Variants in ANKRD50 observed in about 807,000 individuals in gnomAD.
The protein encoded by ANKRD50 is ankyrin repeat domain 50, also known as ankyrin repeat domain-containing protein 50.
In ANKRD50, 40 loss-of-function variants were observed where a neutral mutation model predicts 112.0. The ratio of observed to expected loss-of-function variants is 0.36; its 90% CI spans 0.28 to 0.46. ANKRD50 has a LOEUF of 0.46. Ranked by LOEUF, ANKRD50 falls within the 20% of genes least tolerant of loss-of-function variation. The pLI is 1.00. For synonymous variants in ANKRD50, 613 were observed against 619.1 expected, an observed-to-expected ratio of 0.99 and a Z score of 0.15; for missense variants, 1,487 against 1,701.7, an observed-to-expected ratio of 0.87 and a Z score of 2.22.
chr4:124,700,787 TC>T (rs767151063), intron 2 of ANKRD50, among the ~76,000 whole-genome samples: 18 of 152,174 alleles, frequency 1.2e-4, no homozygotes, highest in Non-Finnish European at 2.4e-4. Context: ...TCCCATCTGC[TC>T]CATAGCTCTC....
At chr4:124,672,569 T>A in intron 3 of ANKRD50, 35 bp from the exon 4 acceptor site, 1 of 1,436,656 alleles carries the variant, frequency 7.0e-7, no homozygotes. Context: ...TGTAATCAGT[T>A]GAAAAGGATT....
chr4:124,678,585 CACGCAG>C, intron 3 of ANKRD50, 85 bp downstream of exon 3: 6 of 1,122,932 alleles, frequency 5.3e-6, no homozygotes, highest in South Asian at 1.5e-5. Context: ...GCAAATGCAA[CACGCAG>C]ATGTTCAACT....
chr4:124,669,849 C>A lies in ANKRD50; in HGVS notation c.3428G>T (p.Gly1143Val). 1 of 1,612,888 alleles carries A rather than the reference C, an allele frequency of 6.2e-7. No homozygotes were observed. Among genetic ancestry groups the A allele is most frequent in the Non-Finnish European group, 8.5e-7 (1 of 1,179,668 alleles). The change falls in exon 4 of 5, where the codon GGA becomes GTA. Residue 1143 changes from glycine (G) to valine (V), a missense_variant. Coordinates refer to ENST00000504087, the MANE Select transcript of ANKRD50 (RefSeq NM_020337.3). ...IKSNSSGSTG[G>V]GDMQPSLRGL... ...ACGTAACGAAGGCTGCATATCCCCT[C>A]CACCAGTACTACCAGAGCTATTTGA...
chr4:124,699,189 G>A lies in ANKRD50; in HGVS notation c.512+10811C>T, dbSNP rs1725328460. On this transcript the variant is annotated intron_variant, in intron 2 of 4. Transcript: ENST00000504087. ...ATCTGAATTAGAAAGGATACCCAGG[G>A]ACTTTAAGTGTGGATTGTTTGTTCT... 1.3e-5 allele frequency among the ~76,000 whole-genome samples: 2 copies of A among 151,458 alleles called. 1 individual carries two copies. Among genetic ancestry groups the A allele is most frequent in the South Asian group, 4.2e-4 (2 of 4,800 alleles).
At position 124,710,560 on chromosome 4, in the gene ANKRD50, G is replaced by A. The variant is rs765632521; in HGVS notation, c.-49C>T. On this transcript the variant is annotated 5_prime_UTR_variant, in exon 2 of 5. Transcript: ENST00000504087. ...CTAGAGTCTGGATACATCAACACAG[G>A]TCTTTCCATCCATTATGACATAACT... is the stretch of plus-strand genomic sequence containing the variant. The A allele has an allele frequency of 6.5e-7, 1 of 1,538,174 alleles. No individual in the cohort carries two copies. Among genetic ancestry groups the A allele is most frequent in the African/African-American group, 1.4e-5 (1 of 72,984 alleles).
At position 124,669,249 on chromosome 4, in the gene ANKRD50, T is replaced by C; in HGVS notation, c.4028A>G (p.Gln1343Arg). The change falls in exon 4 of 5, where the codon CAA (glutamine) becomes CGA (arginine). Residue 1343 changes from glutamine to arginine, a missense_variant. Around this residue, in one of 2 missense-constraint regions of ANKRD50, gnomAD observed 441 missense variants for 432.2 expected, o/e 1.02. Transcript: ENST00000504087. Reference protein sequence around the residue: ...PSAQQEIGRSQQQFLIHQQSG... With the variant: ...PSAQQEIGRSRQQFLIHQQSG... ...TTGTTGGTGAATAAGAAACTGCTGT[T>C]GAGATCGACCAATTTCCTGCTGAGC... 6.2e-7 allele frequency: 1 copy of C among 1,613,746 alleles called. No individual in the cohort carries two copies. Among genetic ancestry groups the C allele is most frequent in the Non-Finnish European group, 8.5e-7 (1 of 1,179,788 alleles).
intron 2 of ANKRD50, among the ~76,000 whole-genome samples, chr4:124,708,135 C>T (rs1665054121): frequency 1.3e-5 from 2 of 152,150 alleles, no homozygotes; most frequent in South Asian, 2.1e-4. Context: ...GAAAATTCTG[C>T]TCTGCCACTA....
At chr4:124,686,262 C>T (rs945418422) in intron 2 of ANKRD50, among the ~76,000 whole-genome samples, 2 of 152,112 alleles carry the variant, frequency 1.3e-5, no homozygotes, top group African/African-American at 4.8e-5. Flanking sequence ...CACTTTCTTC[C>T]TCACTTGTTC....
intron 3 of ANKRD50, 130 bp downstream of exon 3, chr4:124,678,546 C>T (rs181420050): frequency 1.6e-4 from 123 of 756,522 alleles, no homozygotes; most frequent in South Asian, 4.7e-4. Context: ...AATTTCAAAA[C>T]GCACAATTGA....
chr4:124,687,469 AAG>A (rs1198035487), intron 2 of ANKRD50, among the ~76,000 whole-genome samples: 1 of 152,162 alleles, frequency 6.6e-6, no homozygotes, highest in Non-Finnish European at 1.5e-5. Context: ...GAGTTAGATA[AAG>A]AGTTTTTAGA....
rs368274261 is a variant in ANKRD50, at chr4:124,665,787, A to C, written c.*1731T>G. Reference sequence around the variant, plus strand: ...CTTATCAACTTATCTCGTAGTCCTCACTATGACTTATAGATGACAGACAAA... The same window carrying C: ...CTTATCAACTTATCTCGTAGTCCTCCCTATGACTTATAGATGACAGACAAA... On this transcript the variant is annotated 3_prime_UTR_variant, in exon 5 of 5. Coordinates refer to ENST00000504087, the MANE Select transcript of ANKRD50 (RefSeq NM_020337.3). The C allele has an allele frequency of 5.6e-4, 85 of 152,522 alleles. 4 individuals are homozygous for C. The highest frequency in any genetic ancestry group is 2.0e-3 in the African/African-American group (82 of 41,550). 9.4% of individuals were successfully genotyped at this position (152,522 alleles called of 1,614,324 possible).
chr4:124,699,727 A>G (rs534480811), intron 2 of ANKRD50, among the ~76,000 whole-genome samples: 1 of 152,170 alleles, frequency 6.6e-6, no homozygotes, highest in South Asian at 2.1e-4. Context: ...AGGGTTTAAA[A>G]GAAATCCTTT....
rs1730668709 is a variant in ANKRD50 at position 124,671,990 on chromosome 4, T to C, written c.1287A>G (p.Ala429=). 6 of 1,613,832 alleles carry C rather than the reference T, an allele frequency of 3.7e-6. No individual in the cohort carries two copies. The highest frequency in any genetic ancestry group is 2.2e-5 in the East Asian group (1 of 44,876). The part of the protein sequence containing the change: ...KHCTQKYLCN[A]AEGHRMLAMS... Reference sequence around the variant, plus strand: ...TAGCCAACATTCTGTGTCCTTCTGCTGCATTACATAAATACTTCTGAGTAC... The same window carrying C: ...TAGCCAACATTCTGTGTCCTTCTGCCGCATTACATAAATACTTCTGAGTAC... The change falls in exon 4 of 5, where the codon GCA becomes GCG. Residue 429 remains alanine, a synonymous_variant. Transcript: ENST00000504087.
At chr4:124,674,936 A>G (rs1434587635) in intron 3 of ANKRD50, among the ~76,000 whole-genome samples, 1 of 151,844 alleles carries the variant, frequency 6.6e-6, no homozygotes, top group Non-Finnish European at 1.5e-5. Flanking sequence ...AGTACTGAAA[A>G]TAATTACTTT....
intron 2 of ANKRD50, among the ~76,000 whole-genome samples, chr4:124,686,672 T>C (rs1188278726): frequency 6.6e-6 from 1 of 152,096 alleles, no homozygotes; most frequent in Non-Finnish European, 1.5e-5. Flanking sequence ...GGGTATAATA[T>C]AATCTTAATC....
chr4:124,685,513 C>A (rs1724986403), intron 2 of ANKRD50, among the ~76,000 whole-genome samples: 1 of 152,048 alleles, frequency 6.6e-6, no homozygotes, highest in African/African-American at 2.4e-5. Context: ...GTACACAACA[C>A]ATAAATAATT....
intron 2 of ANKRD50, among the ~76,000 whole-genome samples, chr4:124,703,628 C>A (rs191648072): frequency 6.6e-5 from 10 of 151,094 alleles, no homozygotes; most frequent in African/African-American, 2.4e-4. Context: ...AAGATTACTG[C>A]CTCAAAGGAA....
chr4:124,680,213 T>C (rs1357628313), intron 2 of ANKRD50, among the ~76,000 whole-genome samples: 1 of 152,154 alleles, frequency 6.6e-6, no homozygotes, highest in Non-Finnish European at 1.5e-5. Context: ...ACTGTAAGCA[T>C]CAAGAGAGAC....
At chr4:124,701,088 C>T (rs1170559556) in intron 2 of ANKRD50, among the ~76,000 whole-genome samples, 2 of 152,134 alleles carry the variant, frequency 1.3e-5, no homozygotes, top group Admixed American at 6.5e-5. Context: ...CTCAGCCTCC[C>T]GAGTAGGTAG....
Sources: gnomAD v4.1 joint callset for allele counts (sites outside exome capture counted in the v4.1 genomes callset) on GRCh38, gnomAD v4.1.1 for gene constraint, gnomAD v4.1.1 regional missense constraint, MANE v1.5 for transcripts, NCBI Gene and HGNC (gene_info 2026-07-23, HGNC 2026-07-21) for gene names.